NADK2: variants seen among roughly 807,000 people sequenced by gnomAD.
NADK2 encodes NAD kinase 2, mitochondrial, also known as NAD kinase domain-containing protein 1, mitochondrial.
In NADK2, 35 loss-of-function variants were observed where a neutral mutation model predicts 62.1. The ratio of observed to expected loss-of-function variants is 0.56; its 90% CI spans 0.43 to 0.75. The LOEUF (loss-of-function observed/expected upper bound fraction) is 0.75. Ranked by LOEUF, NADK2 falls within the 30% of genes least tolerant of loss-of-function variation. NADK2 has a pLI of 0.00. For synonymous variants in NADK2, 205 were observed against 207.9 expected, an observed-to-expected ratio of 0.99 and a Z score of 0.12; for missense variants, 439 against 561.3, an observed-to-expected ratio of 0.78 and a Z score of 2.20.
At position 36,192,611 on chromosome 5, in the gene NADK2, T is replaced by C. The variant is rs2112031249; in HGVS notation, c.*2533A>G. ...ATGTAGTAAAACATGTAATATGATT[T>C]AATGTACAGGGGCCATGAATGTAAA... On this transcript the variant is annotated 3_prime_UTR_variant, in exon 12 of 12. Transcript: ENST00000381937. 1 of 152,300 alleles carries C rather than the reference T, an allele frequency of 6.6e-6. No individual in the cohort carries two copies. The allele number at this position is 152,300 out of a possible 1,614,324, so 9.4% of individuals were successfully genotyped here. A position where few individuals can be genotyped will look rare whatever the true frequency, so the allele number is the denominator to read the frequency against.
intron 6 of NADK2, among the ~76,000 whole-genome samples, chr5:36,215,628 T>C (rs768419659): frequency 1.3e-5 from 2 of 152,202 alleles, no homozygotes; most frequent in Non-Finnish European, 2.9e-5. Flanking sequence ...CTTTGGTAAC[T>C]ATCACTGTAC....
chr5:36,210,954 G>A (rs1359091292), intron 7 of NADK2, among the ~76,000 whole-genome samples: 1 of 152,156 alleles, frequency 6.6e-6, no homozygotes, highest in Non-Finnish European at 1.5e-5. Context: ...AGATTTAAAG[G>A]CCAACCTGGG....
chr5:36,225,793 C>T (rs538794867), intron 3 of NADK2, among the ~76,000 whole-genome samples, 170 bp from the exon 4 acceptor site: 2 of 152,348 alleles, frequency 1.3e-5, no homozygotes, highest in South Asian at 2.1e-4. Context: ...CTCTCCCACT[C>T]TAATCCAGGA....
At chr5:36,211,959 C>T (rs1447794289) in intron 6 of NADK2, 37 bp from the exon 7 acceptor site, 2 of 1,452,762 alleles carry the variant, frequency 1.4e-6, no homozygotes, top group East Asian at 2.3e-5. Context: ...TCCAAGATAG[C>T]TCCTTGATTT....
At chr5:36,201,339 C>T (rs1746440292) in intron 8 of NADK2, among the ~76,000 whole-genome samples, 178 bp from the exon 9 acceptor site, 1 of 151,930 alleles carries the variant, frequency 6.6e-6, no homozygotes, top group South Asian at 2.1e-4. Context: ...CAAGTATTTT[C>T]ATACATTGAT....
In NADK2 at chr5:36,205,138, C is replaced by A. The variant is rs571106964; in HGVS notation, c.956+2032G>T. The stretch of plus-strand genomic sequence containing the variant: ...AAAAAGATTAAGCAGGAAAAAAAAA[C>A]CCCTCTAGTCGCCATCCCAAATCCA... On this transcript the variant is annotated intron_variant, in intron 8 of 11. Transcript: ENST00000381937. This position sits in a 1 kb window ranked among gnomAD's most constrained non-coding sequence, Gnocchi z 4.1. 5.6e-4 allele frequency among the ~76,000 whole-genome samples: 85 copies of A among 151,428 alleles called. No individual in the cohort carries two copies. The highest frequency in any genetic ancestry group is 1.9e-3 in the African/African-American group (79 of 41,272).
intron 1 of NADK2, among the ~76,000 whole-genome samples, chr5:36,235,909 A>T (rs982963099): frequency 1.1e-3 from 3 of 2,710 alleles, no homozygotes; most frequent in East Asian, 2.1e-3. Flanking sequence ...ATATATATAA[A>T]AAATAAATTT....
chr5:36,214,095 T>A (rs375366714), intron 6 of NADK2, among the ~76,000 whole-genome samples: 3 of 152,246 alleles, frequency 2.0e-5, no homozygotes, highest in African/African-American at 7.2e-5. Flanking sequence ...TTTTTCATAC[T>A]AATTGACTAC....
In NADK2 at chr5:36,241,880, C is replaced by A; in HGVS notation, c.-82G>T. The A allele has an allele frequency of 3.7e-6, 4 of 1,077,552 alleles. No homozygotes were observed. Among genetic ancestry groups the A allele is most frequent in the Non-Finnish European group, 3.4e-6 (3 of 882,238 alleles). 66.7% of individuals were successfully genotyped at this position (1,077,552 alleles called of 1,614,324 possible). The stretch of plus-strand genomic sequence containing the variant: ...CCGCCGGGAGTGCGCGCCGTCCGCG[C>A]CGCCCGGGCCTCTAACTTCGCGCCG... On this transcript the variant is annotated 5_prime_UTR_variant, in exon 1 of 12. Transcript: ENST00000381937. The surrounding 1 kb of genome is among the most constrained non-coding windows in gnomAD (Gnocchi z 4.9).
At position 36,219,663 on chromosome 5, in the gene NADK2, A is replaced by T; in HGVS notation, c.577T>A (p.Cys193Ser). 2 of 1,614,036 alleles carry T rather than the reference A, an allele frequency of 1.2e-6. No individual in the cohort carries two copies. The highest frequency in any genetic ancestry group is 1.7e-6 in the Non-Finnish European group (2 of 1,179,912). Residue 193 changes from cysteine (C) to serine (S), a missense_variant, in exon 5 of 12, where the codon TGC becomes AGC. Transcript: ENST00000381937. ...GAATGTGTATATCGAACGGGCAGGC[A>T]TAAATGACCCTCAGACCTATATTTT... ...TDPERSEGHL[C>S]LPVRYTHSFP...
At chr5:36,233,008 T>C (rs534913658) in intron 1 of NADK2, among the ~76,000 whole-genome samples, 48 of 152,306 alleles carry the variant, frequency 3.2e-4, no homozygotes, top group Admixed American at 3.1e-3. Context: ...AATAGCATCA[T>C]TTACATGAGC....
At chr5:36,219,520 C>A in intron 5 of NADK2, 76 bp downstream of exon 5, 4 of 1,336,476 alleles carry the variant, frequency 3.0e-6, no homozygotes, top group Non-Finnish European at 4.3e-6. Flanking sequence ...CTGATTTGTT[C>A]TGTTTTTTAA....
Position 36,200,227 on chromosome 5 carries a change from C to G in NADK2, c.1066G>C (p.Val356Leu). Residue 356 changes from valine (V) to leucine (L), a missense_variant and splice_region_variant, in exon 10 of 12, where the codon GTA becomes CTA. By Grantham distance (32) the Val-to-Leu change is conservative. Coordinates refer to ENST00000381937, the MANE Select transcript of NADK2 (RefSeq NM_001085411.3). ...GTGATTATTATCATTTGTCACTGAC[C>G]TTTCTCTACCAATTCTCTGTTCAAT... ...LPLNRELVEK[V>L]TNEYNESLLY... 1 of 1,576,784 alleles carries G rather than the reference C, an allele frequency of 6.3e-7. No homozygotes were observed. Among genetic ancestry groups the G allele is most frequent in the Non-Finnish European group, 8.6e-7 (1 of 1,161,194 alleles).
At chr5:36,198,601 T>G (rs1746319489) in intron 10 of NADK2, among the ~76,000 whole-genome samples, 1 of 147,996 alleles carries the variant, frequency 6.8e-6, no homozygotes, top group Non-Finnish European at 1.5e-5. Context: ...TATATAGATA[T>G]AATATAAATT....
chr5:36,241,060 C>G lies in NADK2; in HGVS notation c.300+439G>C, dbSNP rs368198603. On this transcript the variant is annotated intron_variant, in intron 1 of 11. Coordinates refer to ENST00000381937, the MANE Select transcript of NADK2 (RefSeq NM_001085411.3). The surrounding 1 kb of genome is among the most constrained non-coding windows in gnomAD (Gnocchi z 4.9). Reference sequence around the variant, plus strand: ...AGCCCTCAGCGGCGCCCTGGGCCCCCTTTCTCGCGGCGGCCAGGGGAGCTG... The same window carrying G: ...AGCCCTCAGCGGCGCCCTGGGCCCCGTTTCTCGCGGCGGCCAGGGGAGCTG... 3.6e-3 allele frequency among the ~76,000 whole-genome samples: 547 copies of G among 152,226 alleles called. 4 individuals carry two copies. The highest frequency in any genetic ancestry group is 0.013 in the African/African-American group (525 of 41,554).
chr5:36,225,148 C>A (rs1747434222), intron 4 of NADK2, among the ~76,000 whole-genome samples: 1 of 152,110 alleles, frequency 6.6e-6, no homozygotes, highest in Admixed American at 6.5e-5. Flanking sequence ...TAATTTCCTA[C>A]CACCAATGCC....
In NADK2 at chr5:36,192,719, T is replaced by C. The variant is rs1746062942; in HGVS notation, c.*2425A>G. The C allele has an allele frequency of 6.6e-6, 1 of 152,224 alleles. No individual in the cohort carries two copies. Among genetic ancestry groups the C allele is most frequent in the Admixed American group, 6.5e-5 (1 of 15,284 alleles). The allele number at this position is 152,224 out of a possible 1,614,324, so 9.4% of individuals were successfully genotyped here. A position where few individuals can be genotyped will look rare whatever the true frequency, so the allele number is the denominator to read the frequency against. On this transcript the variant is annotated 3_prime_UTR_variant, in exon 12 of 12. Coordinates refer to ENST00000381937, the MANE Select transcript of NADK2 (RefSeq NM_001085411.3). ...AGGTAAGCACTTCACCCTGATTTAA[T>C]AACTAATCATTCTATGTCAAATGTT...
Position 36,219,586 on chromosome 5 carries a change from A to T in NADK2, c.644+10T>A, listed in dbSNP as rs767524235. On this transcript the variant is annotated intron_variant, in intron 5 of 11. Coordinates refer to ENST00000381937, the MANE Select transcript of NADK2 (RefSeq NM_001085411.3). ...ATACTTACATAAGAACAACCGTAAG[A>T]AATTCCTACCTGAACTCACCACGAT... is the stretch of plus-strand genomic sequence containing the variant. 30 of 1,609,272 alleles carry T rather than the reference A, an allele frequency of 1.9e-5. No individual in the cohort carries two copies. The highest frequency in any genetic ancestry group is 2.4e-5 in the Non-Finnish European group (28 of 1,176,208).
At chr5:36,209,280 C>T (rs1017086891) in intron 7 of NADK2, among the ~76,000 whole-genome samples, 7 of 152,024 alleles carry the variant, frequency 4.6e-5, no homozygotes, top group South Asian at 2.1e-4. Flanking sequence ...TAAAAGCATT[C>T]GATTGAAAAT....
Sources: gnomAD v4.1 joint callset for allele counts (sites outside exome capture counted in the v4.1 genomes callset) on GRCh38, gnomAD v4.1.1 for gene constraint, Gnocchi (gnomAD v3.1) non-coding constraint, MANE v1.5 for transcripts, NCBI Gene and HGNC (gene_info 2026-07-23, HGNC 2026-07-21) for gene names.